SPATA16: variants seen among roughly 807,000 people sequenced by gnomAD.
The protein encoded by SPATA16 is spermatogenesis associated 16.
Under a neutral mutation model 63.3 loss-of-function variants are expected in SPATA16, and 36 were observed. That is an observed-to-expected ratio of 0.57 (90% CI 0.44 to 0.75). The LOEUF is 0.75. Among genes scored for constraint, SPATA16 ranks in the 30% least tolerant of loss-of-function variants. The probability of loss-of-function intolerance (pLI) is 0.00; values close to 1 mark genes in which losing one functional copy is unlikely to be tolerated. For missense variants in SPATA16, 646 were observed against 679.3 expected (o/e 0.95, Z 0.54); for synonymous variants, 203 against 216.7 (o/e 0.94, Z 0.56).
intron 4 of SPATA16, among the ~76,000 whole-genome samples, chr3:172,979,679 C>T (rs959828144): frequency 1.3e-5 from 2 of 152,026 alleles, no homozygotes; most frequent in African/African-American, 4.8e-5. Flanking sequence ...TATATTGTCG[C>T]ATTGTTTGCT....
intron 4 of SPATA16, among the ~76,000 whole-genome samples, chr3:173,012,863 T>C (rs951785978): frequency 1.0e-3 from 159 of 152,140 alleles, no homozygotes; most frequent in Non-Finnish European, 3.5e-4. Flanking sequence ...ATTCTAGACA[T>C]TGGCCTTGGC....
intron 6 of SPATA16, among the ~76,000 whole-genome samples, chr3:172,952,675 C>T (rs1234064517): frequency 1.3e-5 from 2 of 152,186 alleles, no homozygotes; most frequent in African/African-American, 4.8e-5. Flanking sequence ...GGTGCAGTGG[C>T]TCACGCCTGT....
chr3:173,032,225 T>C (rs191169910), intron 3 of SPATA16, among the ~76,000 whole-genome samples: 111 of 152,240 alleles, frequency 7.3e-4, no homozygotes, highest in Non-Finnish European at 1.4e-3. Flanking sequence ...TAATTAAATG[T>C]GAAAAATATT....
chr3:172,958,529 G>A (rs1478652865), intron 5 of SPATA16, among the ~76,000 whole-genome samples: 1 of 152,166 alleles, frequency 6.6e-6, no homozygotes, highest in Non-Finnish European at 1.5e-5. Flanking sequence ...TTAGACCTCA[G>A]TTCTAAGGTC....
intron 3 of SPATA16, among the ~76,000 whole-genome samples, chr3:173,030,036 T>C (rs74595877): frequency 0.017 from 2,583 of 151,458 alleles, 74 homozygotes; most frequent in African/African-American, 0.058. Context: ...TGCCTAATAT[T>C]GAAGACAGAG....
In SPATA16 at chr3:173,137,852, CACACACACACACACACACACAG is replaced by C. The variant is rs1274463847; in HGVS notation, c.-19+3229_-19+3250del. Among the ~76,000 whole-genome samples the C allele has an allele frequency of 2.6e-5, 4 of 151,110 alleles. No homozygotes were observed. In the East Asian group the frequency reaches 5.8e-4, roughly 22 times the overall value. On this transcript the variant is annotated intron_variant, in intron 1 of 10. Coordinates refer to ENST00000351008, the MANE Select transcript of SPATA16 (RefSeq NM_031955.6). ...ACACACACACACACACACACACACA[CACACACACACACACACACACAG>C]ACACACACACGTCTCCCTAAAGAAG... is the stretch of plus-strand genomic sequence containing the variant.
At chr3:172,979,097 T>C (rs1429783952) in intron 4 of SPATA16, among the ~76,000 whole-genome samples, 1 of 152,088 alleles carries the variant, frequency 6.6e-6, no homozygotes, top group Non-Finnish European at 1.5e-5. Flanking sequence ...ATTAGCCACG[T>C]GTGGCGGCGG....
intron 2 of SPATA16, among the ~76,000 whole-genome samples, chr3:173,092,038 C>T (rs1401082813): frequency 6.6e-6 from 1 of 152,158 alleles, no homozygotes; most frequent in Non-Finnish European, 1.5e-5. Context: ...CTTGAAGTTC[C>T]TCTCCTGCAC....
At chr3:172,951,959 C>T (rs955638557) in intron 6 of SPATA16, among the ~76,000 whole-genome samples, 1 of 152,190 alleles carries the variant, frequency 6.6e-6, no homozygotes, top group Non-Finnish European at 1.5e-5. Flanking sequence ...ATTTAGATGA[C>T]TTCTATAATT....
intron 4 of SPATA16, among the ~76,000 whole-genome samples, chr3:173,017,976 A>G (rs575511): frequency 0.17 from 26,015 of 152,202 alleles, 2,608 homozygotes; most frequent in African/African-American, 0.26. Flanking sequence ...AGCCACAGAG[A>G]CATTTCAGTG....
At chr3:172,916,014 T>G (rs1455210583) in intron 9 of SPATA16, among the ~76,000 whole-genome samples, 4 of 152,212 alleles carry the variant, frequency 2.6e-5, no homozygotes, top group African/African-American at 7.2e-5. Context: ...TTAAACAATC[T>G]CATTTTACCA....
intron 2 of SPATA16, among the ~76,000 whole-genome samples, chr3:173,107,930 A>C (rs1231184862): frequency 6.6e-6 from 1 of 152,194 alleles, no homozygotes; most frequent in Non-Finnish European, 1.5e-5. Context: ...TGTCATCCCT[A>C]AACAGTCTTC....
intron 2 of SPATA16, among the ~76,000 whole-genome samples, chr3:173,060,537 T>C (rs2108300275): frequency 6.6e-6 from 1 of 152,304 alleles, no homozygotes; most frequent in East Asian, 1.9e-4. Flanking sequence ...ATAAACAATG[T>C]TAAAGATTCC....
At chr3:173,057,338 C>A (rs536359683) in intron 2 of SPATA16, among the ~76,000 whole-genome samples, 1 of 152,018 alleles carries the variant, frequency 6.6e-6, no homozygotes, top group Admixed American at 6.5e-5. Context: ...TGGTCTCCAT[C>A]GCCTGACCTC....
chr3:172,902,944 C>G (rs1299189187), intron 10 of SPATA16, among the ~76,000 whole-genome samples: 1 of 152,108 alleles, frequency 6.6e-6, no homozygotes, highest in African/African-American at 2.4e-5. Flanking sequence ...TATTTTTGCC[C>G]TTCTCCCAGA....
At chr3:173,054,861 C>T (rs1047847072) in intron 2 of SPATA16, among the ~76,000 whole-genome samples, 1 of 151,884 alleles carries the variant, frequency 6.6e-6, no homozygotes, top group Non-Finnish European at 1.5e-5. Flanking sequence ...TAGACCATAT[C>T]CTGGGCTATA....
intron 5 of SPATA16, among the ~76,000 whole-genome samples, chr3:172,962,253 CAAAAAAAAAAAAAA>C (rs71162320): frequency 4.2e-5 from 2 of 47,710 alleles, no homozygotes; most frequent in Non-Finnish European, 7.1e-5. Context: ...GACTCTGTCT[CAAAAAAAAAAAAAA>C]AAAAAAAAAA....
intron 2 of SPATA16, among the ~76,000 whole-genome samples, chr3:173,069,362 A>G (rs978918796): frequency 1.1e-4 from 16 of 152,268 alleles, no homozygotes; most frequent in Admixed American, 9.8e-4. Flanking sequence ...GCAACTATAC[A>G]TCAATAAATT....
intron 3 of SPATA16, among the ~76,000 whole-genome samples, chr3:173,024,043 T>C (rs1735396770): frequency 6.6e-6 from 1 of 151,572 alleles, no homozygotes. Context: ...ACGAGATTCT[T>C]AGTTGATCTG....
Sources: gnomAD v4.1 joint callset for allele counts (sites outside exome capture counted in the v4.1 genomes callset) on GRCh38, gnomAD v4.1.1 for gene constraint, MANE v1.5 for transcripts, NCBI Gene and HGNC (gene_info 2026-07-23, HGNC 2026-07-21) for gene names.